RBAK: variants seen among roughly 807,000 people sequenced by gnomAD.
RBAK encodes the protein RB associated KRAB zinc finger.
Under a neutral mutation model 65.8 loss-of-function variants are expected in RBAK, and 39 were observed. That is an observed-to-expected ratio of 0.59 (90% CI 0.46 to 0.77). The LOEUF (loss-of-function observed/expected upper bound fraction) is 0.77, where lower values mean the gene tolerates loss of function less well. Ranked by LOEUF, RBAK falls within the 30% of genes least tolerant of loss-of-function variation. The probability of loss-of-function intolerance (pLI) is 0.00; values close to 1 mark genes in which losing one functional copy is unlikely to be tolerated. For missense variants in RBAK, 884 were observed against 855.1 expected, an observed-to-expected ratio of 1.03 and a Z score of -0.42; for synonymous variants, 343 against 289.7, an observed-to-expected ratio of 1.18 and a Z score of -1.87.
chr7:5,054,472 T>G (rs1788181977), intron 2 of RBAK, among the ~76,000 whole-genome samples: 1 of 152,092 alleles, frequency 6.6e-6, no homozygotes, highest in Non-Finnish European at 1.5e-5. Context: ...TGTTTTTGAT[T>G]TTGTTGTTGC....
intron 2 of RBAK, among the ~76,000 whole-genome samples, chr7:5,054,320 G>A (rs931308190): frequency 2.0e-5 from 3 of 151,414 alleles, no homozygotes; most frequent in East Asian, 1.9e-4. Context: ...CAGGAGAATC[G>A]CTGGAACCCG....
At position 5,048,946 on chromosome 7, in the gene RBAK, G is replaced by GCC. The variant is rs1267347879; in HGVS notation, c.15+859_15+860dup. Among the ~76,000 whole-genome samples, 1 of 152,108 alleles carries GCC rather than the reference G, an allele frequency of 6.6e-6. No homozygotes were observed. The highest frequency in any genetic ancestry group is 1.5e-5 in the Non-Finnish European group (1 of 68,016). ...GGAGAACAGCACCAAAAGGGAAATTGCCCCCATGATCCAATCACCTCCCAC... is the reference window on the plus strand; with the variant it reads ...GGAGAACAGCACCAAAAGGGAAATTGCCCCCCCATGATCCAATCACCTCCCAC... On this transcript the variant is annotated intron_variant, in intron 2 of 4. Coordinates refer to ENST00000396912, the MANE Select transcript of RBAK (RefSeq NM_021163.4). The surrounding 1 kb of genome is among the most constrained non-coding windows in gnomAD (Gnocchi z 4.4).
At chr7:5,047,324 A>G (rs1442684268) in intron 1 of RBAK, among the ~76,000 whole-genome samples, 1 of 152,156 alleles carries the variant, frequency 6.6e-6, no homozygotes, top group African/African-American at 2.4e-5. Context: ...AATGGAGGCC[A>G]GGAGGTCGAG....
rs779846594 is a variant in RBAK at position 5,065,166 on chromosome 7, C to T, written c.1710C>T (p.Ser570=). ...CAGAAGAGAAACCTTATGGATGTAG[C>T]GAATGTGGGAAAACCTTTTCCCATA... The part of the protein sequence containing the change: ...SHSEEKPYGC[S]ECGKTFSHNS... The change falls in exon 5 of 5, where the codon AGC becomes AGT. Residue 570 remains serine, a synonymous_variant. Coordinates refer to ENST00000396912, the MANE Select transcript of RBAK (RefSeq NM_021163.4). The surrounding 1 kb of genome is among the most constrained non-coding windows in gnomAD (Gnocchi z 5.3). The T allele has an allele frequency of 1.1e-5, 18 of 1,613,296 alleles. No homozygotes were observed. Among genetic ancestry groups the T allele is most frequent in the East Asian group, 4.5e-5 (2 of 44,874 alleles).
rs1788054017 is a variant in RBAK at position 5,048,898 on chromosome 7, T to A, written c.15+807T>A. ...CTACACACTTTTAAACAACCACGTCTTGTGATAAGTCACTGAGTGTCAGGA... is the reference window on the plus strand; with the variant it reads ...CTACACACTTTTAAACAACCACGTCATGTGATAAGTCACTGAGTGTCAGGA... On this transcript the variant is annotated intron_variant, in intron 2 of 4. Transcript: ENST00000396912. This position sits in a 1 kb window ranked among gnomAD's most constrained non-coding sequence, Gnocchi z 4.4. Among the ~76,000 whole-genome samples, 1 of 152,136 alleles carries A rather than the reference T, an allele frequency of 6.6e-6. No individual in the cohort carries two copies. The highest frequency in any genetic ancestry group is 1.5e-5 in the Non-Finnish European group (1 of 68,040).
chr7:5,055,795 T>C (rs563052542), intron 2 of RBAK, among the ~76,000 whole-genome samples: 5 of 152,312 alleles, frequency 3.3e-5, no homozygotes, highest in Admixed American at 3.3e-4. Context: ...TCTCTCTCGG[T>C]GATTTTATCA....
Position 5,065,281 on chromosome 7 carries a change from T to C in RBAK, c.1825T>C (p.Tyr609His). ...TGGAAAATTCTTCTCTCAGAAATCA[T>C]ATCTCACTATACATCATCGAATTCA... ...ECGKFFSQKS[Y>H]LTIHHRIHSG... is the part of the protein sequence containing the mutation. Residue 609 changes from tyrosine to histidine, a missense_variant, in exon 5 of 5, where the codon TAT becomes CAT. Coordinates refer to ENST00000396912, the MANE Select transcript of RBAK (RefSeq NM_021163.4). The surrounding 1 kb of genome is among the most constrained non-coding windows in gnomAD (Gnocchi z 5.3). 2.5e-6 allele frequency: 4 copies of C among 1,613,980 alleles called. No individual in the cohort carries two copies. Among genetic ancestry groups the C allele is most frequent in the Non-Finnish European group, 3.4e-6 (4 of 1,179,916 alleles).
chr7:5,061,452 TC>T (rs140531562), intron 4 of RBAK, among the ~76,000 whole-genome samples: 159 of 112,508 alleles, frequency 1.4e-3, no homozygotes, highest in African/African-American at 4.9e-3. Context: ...TTTTTCTTTT[TC>T]TTTTTTTTTT....
At chr7:5,055,042 A>G (rs58661020) in intron 2 of RBAK, among the ~76,000 whole-genome samples, 5,789 of 152,128 alleles carry the variant, frequency 0.038, 409 homozygotes, top group African/African-American at 0.13. Flanking sequence ...TCGGCCTCCC[A>G]AAGTGTTGAG....
rs1183541021 is a variant in RBAK at position 5,064,748 on chromosome 7, G to T, written c.1292G>T (p.Cys431Phe). 6.2e-7 allele frequency: 1 copy of T among 1,614,002 alleles called. No individual in the cohort carries two copies. Among genetic ancestry groups the T allele is most frequent in the South Asian group, 1.1e-5 (1 of 91,094 alleles). The change falls in exon 5 of 5, where the codon TGT becomes TTT. Residue 431 changes from cysteine to phenylalanine, a missense_variant. Transcript: ENST00000396912. The surrounding 1 kb of genome is among the most constrained non-coding windows in gnomAD (Gnocchi z 6.3). Reference protein sequence around the residue: ...RTHTGEKPYQCSECGKFFSRV... With the variant: ...RTHTGEKPYQFSECGKFFSRV... ...CACACGGGAGAGAAGCCCTATCAGT[G>T]TAGCGAGTGTGGGAAATTCTTTTCT...
chr7:5,064,647 A>T lies in RBAK; in HGVS notation c.1191A>T (p.Gly397=). 6.2e-7 allele frequency: 1 copy of T among 1,612,464 alleles called. No homozygotes were observed. The highest frequency in any genetic ancestry group is 8.5e-7 in the Non-Finnish European group (1 of 1,178,752). The change falls in exon 5 of 5, where the codon GGA becomes GGT. Residue 397 remains glycine (G), a synonymous_variant. Transcript: ENST00000396912. This position sits in a 1 kb window ranked among gnomAD's most constrained non-coding sequence, Gnocchi z 6.3. ...ALSDHQRTHT[G]EKLYKCNECG... is the part of the protein sequence containing the mutation. Reference sequence around the variant, plus strand: ...GTGACCATCAGAGAACTCACACGGGAGAGAAGCTTTATAAATGTAATGAAT... The same window carrying T: ...GTGACCATCAGAGAACTCACACGGGTGAGAAGCTTTATAAATGTAATGAAT...
intron 4 of RBAK, among the ~76,000 whole-genome samples, chr7:5,060,437 G>A (rs531007004): frequency 6.6e-6 from 1 of 152,210 alleles, no homozygotes; most frequent in Non-Finnish European, 1.5e-5. Flanking sequence ...TAGGAAATAA[G>A]ATAAAAGCTG....
At chr7:5,057,021 A>C in intron 2 of RBAK, 2 of 161,146 alleles carry the variant, frequency 1.2e-5, no homozygotes, top group Non-Finnish European at 2.6e-5. Context: ...CTTGCAAAAT[A>C]GGAGCTCAGT....
chr7:5,053,593 G>C (rs983491149), intron 2 of RBAK, among the ~76,000 whole-genome samples: 14 of 151,860 alleles, frequency 9.2e-5, no homozygotes, highest in African/African-American at 3.4e-4. Flanking sequence ...GATTCTTGTT[G>C]CCTGTATATT....
At position 5,064,685 on chromosome 7, in the gene RBAK, A is replaced by G. The variant is rs753038658; in HGVS notation, c.1229A>G (p.Tyr410Cys). 1.9e-6 allele frequency: 3 copies of G among 1,611,798 alleles called. No homozygotes were observed. The highest frequency in any genetic ancestry group is 1.3e-5 in the African/African-American group (1 of 74,892). The change falls in exon 5 of 5, where the codon TAC (tyrosine) becomes TGC (cysteine). Residue 410 changes from tyrosine (Y) to cysteine (C), a missense_variant. Transcript: ENST00000396912. The surrounding 1 kb of genome is among the most constrained non-coding windows in gnomAD (Gnocchi z 6.3). ...LYKCNECGKS[Y>C]YRKSTLITHQ... ...AAATGTAATGAATGTGGGAAATCCTACTACCGAAAGTCTACTCTGATTACA... is the reference window on the plus strand; with the variant it reads ...AAATGTAATGAATGTGGGAAATCCTGCTACCGAAAGTCTACTCTGATTACA...
At position 5,048,825 on chromosome 7, in the gene RBAK, G is replaced by A. The variant is rs1331686286; in HGVS notation, c.15+734G>A. 3.9e-5 allele frequency among the ~76,000 whole-genome samples: 6 copies of A among 152,142 alleles called. No homozygotes were observed. The highest frequency in any genetic ancestry group is 7.2e-5 in the African/African-American group (3 of 41,412). ...TCATGGTGGAAGGCAAAGGGAAAGC[G>A]GGTACATCTTCCATCACCAGAGCAG... On this transcript the variant is annotated intron_variant, in intron 2 of 4. Coordinates refer to ENST00000396912, the MANE Select transcript of RBAK (RefSeq NM_021163.4). The surrounding 1 kb of genome is among the most constrained non-coding windows in gnomAD (Gnocchi z 4.4).
rs1158390628 is a variant in RBAK at position 5,063,966 on chromosome 7, A to G, written c.510A>G (p.Lys170=). Residue 170 remains lysine, a synonymous_variant, in exon 5 of 5, where the codon AAA becomes AAG. Transcript: ENST00000396912. ...CTGATGAGTGTAATGAATGTGGGAA[A>G]ACATATCATGGAGAGAAAATGTGTG... ...TKPDECNECG[K]TYHGEKMCEF... is the part of the protein sequence containing the mutation. The G allele has an allele frequency of 3.1e-6, 5 of 1,614,060 alleles. No individual in the cohort carries two copies. The highest frequency in any genetic ancestry group is 3.3e-5 in the Admixed American group (2 of 60,014).
intron 4 of RBAK, among the ~76,000 whole-genome samples, chr7:5,059,938 A>G (rs1467224846): frequency 6.6e-6 from 1 of 152,076 alleles, no homozygotes; most frequent in Non-Finnish European, 1.5e-5. Flanking sequence ...CAAAGATTAT[A>G]TGTTCTGATA....
intron 1 of RBAK, 85 bp from the exon 2 acceptor site, chr7:5,047,948 T>C: frequency 1.5e-6 from 1 of 659,718 alleles, no homozygotes. Context: ...CTATTGAGCT[T>C]TCTTTTGTGG....
Sources: allele counts gnomAD v4.1 joint callset (sites outside exome capture counted in the v4.1 genomes callset), GRCh38; gene constraint gnomAD v4.1.1; non-coding constraint Gnocchi (gnomAD v3.1); transcripts MANE v1.5; gene names NCBI Gene and HGNC (gene_info 2026-07-23, HGNC 2026-07-21).